The following TRIM39 variants were observed in gnomAD, a reference collection of about 807,000 sequenced individuals.
TRIM39 encodes the protein tripartite motif containing 39, also known as E3 ubiquitin-protein ligase TRIM39.
Under a neutral mutation model 53.6 loss-of-function variants are expected in TRIM39, and 5 were observed. The observed-to-expected ratio is 0.09, with a 90% CI of 0.05 to 0.20. The LOEUF is 0.20. TRIM39 is among the 10% of genes least tolerant of loss of function. The pLI is 1.00. For synonymous variants in TRIM39, 196 were observed against 237.6 expected (o/e 0.82, Z 1.61); for missense variants, 310 against 621.0 (o/e 0.50, Z 5.32).
Position 30,339,937 on chromosome 6 carries a change from G to T in TRIM39, c.803+7G>T. Reference sequence around the variant, plus strand: ...TCAAAAGTACCCTGGAAAAGTAAGTGATTGTTGTATCTCTCTGAGTGAGTT... The same window carrying T: ...TCAAAAGTACCCTGGAAAAGTAAGTTATTGTTGTATCTCTCTGAGTGAGTT... On this transcript the variant is annotated splice_region_variant and intron_variant, in intron 6 of 7. Coordinates refer to ENST00000396551, the Ensembl canonical transcript of TRIM39. The surrounding 1 kb of genome is among the most constrained non-coding windows in gnomAD (Gnocchi z 4.2). The T allele has an allele frequency of 6.2e-7, 1 of 1,614,150 alleles. No homozygotes were observed.
intron 4 of TRIM39, among the ~76,000 whole-genome samples, chr6:30,334,403 A>T (rs1273315870): frequency 4.6e-5 from 7 of 152,174 alleles, no homozygotes; most frequent in Admixed American, 3.3e-4. Flanking sequence ...TTTGAGTCCT[A>T]TATTATCAAA....
intron 2 of TRIM39, 55 bp from the exon 3 acceptor site, chr6:30,329,255 AG>A (rs1785828466): frequency 1.4e-5 from 21 of 1,517,232 alleles, no homozygotes; most frequent in South Asian, 6.4e-5. Flanking sequence ...AAAAAAAAAA[AG>A]AAAAAACCTC....
Position 30,335,650 on chromosome 6 carries a change from G to T in TRIM39, c.550-95G>T, listed in dbSNP as rs1299678572. On this transcript the variant is annotated intron_variant, in intron 4 of 7. Coordinates refer to ENST00000396551, the Ensembl canonical transcript of TRIM39. This position sits in a 1 kb window ranked among gnomAD's most constrained non-coding sequence, Gnocchi z 4.7. ...TGTTAAACCATTTTCAATGAAACTG[G>T]AAGTCTGTGTTAATTCATACATATG... The T allele has an allele frequency of 7.0e-7, 1 of 1,437,426 alleles. No homozygotes were observed. Among genetic ancestry groups the T allele is most frequent in the Non-Finnish European group, 9.3e-7 (1 of 1,075,956 alleles). 89.0% of individuals were successfully genotyped at this position (1,437,426 alleles called of 1,614,324 possible). A position where few individuals can be genotyped will look rare whatever the true frequency, so the allele number is the denominator to read the frequency against.
intron 4 of TRIM39, among the ~76,000 whole-genome samples, chr6:30,332,141 G>T (rs1786258814): frequency 6.6e-6 from 1 of 152,178 alleles, no homozygotes; most frequent in South Asian, 2.1e-4. Flanking sequence ...TAAGTGACTA[G>T]TCCAAGATCA....
At chr6:30,332,427 A>C (rs1449153818) in intron 4 of TRIM39, among the ~76,000 whole-genome samples, 1 of 152,262 alleles carries the variant, frequency 6.6e-6, no homozygotes, top group East Asian at 1.9e-4. Flanking sequence ...TGACATGTAG[A>C]GATCACCAGA....
chr6:30,332,614 C>A (rs1366467536), intron 4 of TRIM39, among the ~76,000 whole-genome samples: 1 of 152,116 alleles, frequency 6.6e-6, no homozygotes, highest in Admixed American at 6.5e-5. Flanking sequence ...GTTTTTTGTT[C>A]TTTTAGAGGC....
At chr6:30,332,850 C>T (rs533265416) in intron 4 of TRIM39, among the ~76,000 whole-genome samples, 1 of 152,182 alleles carries the variant, frequency 6.6e-6, no homozygotes, top group South Asian at 2.1e-4. Flanking sequence ...TTGAATTCTC[C>T]CTCCTTCTCC....
chr6:30,337,372 T>G (rs1363404295), intron 5 of TRIM39, among the ~76,000 whole-genome samples: 1 of 152,016 alleles, frequency 6.6e-6, no homozygotes, highest in Non-Finnish European at 1.5e-5. Flanking sequence ...GCAGTTGCAC[T>G]CCTGCCTGGG....
chr6:30,331,534 G>C (rs1176330499), intron 4 of TRIM39, among the ~76,000 whole-genome samples: 1 of 152,170 alleles, frequency 6.6e-6, no homozygotes, highest in Non-Finnish European at 1.5e-5. Context: ...GAGTTTCTTA[G>C]AGGACTTGAA....
At position 30,340,012 on chromosome 6, in the gene TRIM39, T is replaced by G. The variant is rs1787310007; in HGVS notation, c.803+82T>G. ...TACAGTCAGGAGTTTGGGTTGGGGGTGAGGTTGGGAAAGTCATGTAGTGTG... is the reference window on the plus strand; with the variant it reads ...TACAGTCAGGAGTTTGGGTTGGGGGGGAGGTTGGGAAAGTCATGTAGTGTG... On this transcript the variant is annotated intron_variant, in intron 6 of 7. Transcript: ENST00000396551. The G allele has an allele frequency of 6.2e-6, 10 of 1,605,340 alleles. No homozygotes were observed. The South Asian group carries it at 1.1e-4, about 18-fold the overall frequency.
rs933165913 is a variant in TRIM39, at chr6:30,335,192, A to AG, written c.550-547dup. Among the ~76,000 whole-genome samples, 1 of 152,212 alleles carries AG rather than the reference A, an allele frequency of 6.6e-6. No individual in the cohort carries two copies. The highest frequency in any genetic ancestry group is 2.1e-4 in the South Asian group (1 of 4,834). On this transcript the variant is annotated intron_variant, in intron 4 of 7. Transcript: ENST00000396551. This position sits in a 1 kb window ranked among gnomAD's most constrained non-coding sequence, Gnocchi z 4.7. ...TGGTCTTCACTACCAAGTCATCAGT[A>AG]GGGGGGTGATAGTGATGGAGCCATT...
intron 4 of TRIM39, among the ~76,000 whole-genome samples, chr6:30,332,530 A>G (rs1012455002): frequency 1.5e-4 from 23 of 152,352 alleles, no homozygotes; most frequent in Non-Finnish European, 3.1e-4. Flanking sequence ...TTAGTGCCTT[A>G]TACATTTTAG....
chr6:30,334,891 G>A (rs766625429), intron 4 of TRIM39, among the ~76,000 whole-genome samples: 6 of 151,892 alleles, frequency 4.0e-5, no homozygotes, highest in East Asian at 1.9e-4. Flanking sequence ...TGCCATGCCC[G>A]ACTAATTTTT....
chr6:30,340,003 G>C, intron 6 of TRIM39, 73 bp downstream of exon 6: 1 of 1,610,812 alleles, frequency 6.2e-7, no homozygotes, highest in Non-Finnish European at 8.5e-7. Context: ...CAGGAGTTTG[G>C]GTTGGGGGTG....
chr6:30,329,371 G>A (rs1034344682), exon 3 of TRIM39: 88 of 1,612,878 alleles, frequency 5.5e-5, no homozygotes, highest in Non-Finnish European at 7.0e-5. Flanking sequence ...CTACAGCTGC[G>A]GCTTTGGAGA....
At chr6:30,340,025 G>T in intron 6 of TRIM39, 95 bp downstream of exon 6, 1 of 1,579,406 alleles carries the variant, frequency 6.3e-7, no homozygotes, top group South Asian at 1.1e-5. Context: ...GGTTGGGAAA[G>T]TCATGTAGTG....
chr6:30,331,786 A>G (rs952749981), intron 4 of TRIM39, among the ~76,000 whole-genome samples: 1 of 152,206 alleles, frequency 6.6e-6, no homozygotes, highest in Non-Finnish European at 1.5e-5. Flanking sequence ...CTTAATTTTC[A>G]TACAATTTTG....
intron 7 of TRIM39, among the ~76,000 whole-genome samples, chr6:30,340,960 C>T (rs1582051117): frequency 6.6e-6 from 1 of 152,258 alleles, no homozygotes; most frequent in East Asian, 1.9e-4. Flanking sequence ...GTAATCCTAG[C>T]ACTTTGGGAG....
At chr6:30,329,276 T>C (rs768269092) in intron 2 of TRIM39, 35 bp from the exon 3 acceptor site, 1 of 1,547,794 alleles carries the variant, frequency 6.5e-7, no homozygotes, top group Non-Finnish European at 8.7e-7. Flanking sequence ...CCAATTAATA[T>C]TTTTATTTTC....
Sources: allele counts gnomAD v4.1 joint callset (sites outside exome capture counted in the v4.1 genomes callset), GRCh38; gene constraint gnomAD v4.1.1; non-coding constraint Gnocchi (gnomAD v3.1); transcripts MANE v1.5; gene names NCBI Gene and HGNC (gene_info 2026-07-23, HGNC 2026-07-21).